Variants in PTPRD observed in about 807,000 individuals in gnomAD.
PTPRD encodes protein tyrosine phosphatase receptor type D, also known as receptor-type tyrosine-protein phosphatase delta.
A neutral mutation model predicts 214.5 loss-of-function variants in PTPRD; 34 were observed. That is an observed-to-expected ratio of 0.16 (90% confidence interval 0.12 to 0.21). The LOEUF is 0.21. Among genes scored for constraint, PTPRD ranks in the 10% least tolerant of loss-of-function variants. The pLI is 1.00. For missense variants in PTPRD, 2,545 were observed against 2,398.7 expected, an observed-to-expected ratio of 1.06 and a Z score of -1.27; for synonymous variants, 1,128 against 845.7, an observed-to-expected ratio of 1.33 and a Z score of -5.79.
chr9:8,514,528 T>G (rs1252510591), intron 21 of PTPRD, among the ~76,000 whole-genome samples: 4 of 151,762 alleles, frequency 2.6e-5, no homozygotes, highest in African/African-American at 4.8e-5. Flanking sequence ...AAACTTAGTT[T>G]TTTTTTTTTT....
At position 9,333,739 on chromosome 9, in the gene PTPRD, A is replaced by C. The variant is rs187733506; in HGVS notation, c.-203+63710T>G. On this transcript the variant is annotated intron_variant, in intron 9 of 45. Transcript: ENST00000381196. ...CTCCAATATTAACCAATAATTTATA[A>C]TACATTCATATGAGGTCAAAATTTA... 3.7e-3 allele frequency among the ~76,000 whole-genome samples: 558 copies of C among 151,814 alleles called. 4 individuals carry two copies. Among genetic ancestry groups the C allele is most frequent in the African/African-American group, 0.013 (531 of 41,470 alleles).
intron 9 of PTPRD, among the ~76,000 whole-genome samples, chr9:9,251,752 AG>A (rs2099975563): frequency 6.6e-6 from 1 of 152,102 alleles, no homozygotes; most frequent in African/African-American, 2.4e-5. Flanking sequence ...AGAAGCCAAA[AG>A]TAATTGTTGA....
intron 5 of PTPRD, among the ~76,000 whole-genome samples, chr9:9,815,461 A>G (rs1330588569): frequency 6.6e-6 from 1 of 152,104 alleles, no homozygotes; most frequent in Non-Finnish European, 1.5e-5. Context: ...CTGGGAAATG[A>G]TTTTTTTAGA....
intron 9 of PTPRD, among the ~76,000 whole-genome samples, chr9:9,228,611 C>A (rs909727812): frequency 6.6e-6 from 1 of 151,914 alleles, no homozygotes; most frequent in African/African-American, 2.4e-5. Flanking sequence ...TGATGCCTTG[C>A]TAGTTCTATG....
chr9:8,970,917 A>AAACAAAAC lies in PTPRD; in HGVS notation c.-104+47779_-104+47780insGTTTTGTT, dbSNP rs1555626172. ...AAACAAAACAAAACAAAACAAAACAAAACAACAACAAAAACCAAACAAAAA... is the reference window on the plus strand; with the variant it reads ...AAACAAAACAAAACAAAACAAAACAAAACAAAACAACAACAACAAAAACCAAACAAAAA... On this transcript the variant is annotated intron_variant, in intron 11 of 45. Transcript: ENST00000381196. 9.3e-3 allele frequency among the ~76,000 whole-genome samples: 1,391 copies of AAACAAAAC among 149,684 alleles called. 10 individuals carry two copies. The highest frequency in any genetic ancestry group is 0.012 in the Non-Finnish European group (784 of 67,324).
At chr9:8,941,786 A>C (rs1567144677) in intron 11 of PTPRD, among the ~76,000 whole-genome samples, 2 of 137,164 alleles carry the variant, frequency 1.5e-5, no homozygotes, top group Non-Finnish European at 3.2e-5. Flanking sequence ...ACAGATAATA[A>C]AGGTCTTGTT....
At chr9:8,531,570 G>A (rs1392347534) in intron 14 of PTPRD, among the ~76,000 whole-genome samples, 1 of 152,076 alleles carries the variant, frequency 6.6e-6, no homozygotes, top group Non-Finnish European at 1.5e-5. Flanking sequence ...TTGTTGTTAT[G>A]TTCCATTTTT....
chr9:9,071,708 C>T (rs75422523), intron 10 of PTPRD, among the ~76,000 whole-genome samples: 6,315 of 152,144 alleles, frequency 0.042, 180 homozygotes, highest in South Asian at 0.058. Flanking sequence ...AAATGCAACC[C>T]GGCTGATAAT....
intron 3 of PTPRD, among the ~76,000 whole-genome samples, chr9:10,163,979 A>C (rs1298638891): frequency 6.6e-6 from 1 of 151,444 alleles, no homozygotes; most frequent in African/African-American, 2.4e-5. Flanking sequence ...TCTATATGGC[A>C]ATGAACTATT....
chr9:9,119,579 G>T (rs2099815649), intron 10 of PTPRD, among the ~76,000 whole-genome samples: 1 of 151,632 alleles, frequency 6.6e-6, no homozygotes, highest in Non-Finnish European at 1.5e-5. Context: ...GCCCAAGCTG[G>T]AGTGCAGTGG....
intron 5 of PTPRD, among the ~76,000 whole-genome samples, chr9:9,823,017 T>C (rs1598810808): frequency 6.6e-6 from 1 of 152,116 alleles, no homozygotes; most frequent in South Asian, 2.1e-4. Flanking sequence ...TTCTACACTC[T>C]CCAATTTATT....
chr9:8,955,416 C>G (rs2099125886), intron 11 of PTPRD, among the ~76,000 whole-genome samples: 1 of 151,682 alleles, frequency 6.6e-6, no homozygotes, highest in Non-Finnish European at 1.5e-5. Context: ...CTCAATTATT[C>G]TGGTATCACA....
intron 8 of PTPRD, among the ~76,000 whole-genome samples, chr9:9,464,454 T>A (rs1479705734): frequency 6.6e-6 from 1 of 152,198 alleles, no homozygotes; most frequent in Non-Finnish European, 1.5e-5. Context: ...AAATTATCAT[T>A]AACTCTTGCC....
At position 9,528,938 on chromosome 9, in the gene PTPRD, CT is replaced by C. The variant is rs112564567; in HGVS notation, c.-237+45793del. Among the ~76,000 whole-genome samples, 460 of 136,694 alleles carry C rather than the reference CT, an allele frequency of 3.4e-3. 1 individual carries two copies. Among genetic ancestry groups the C allele is most frequent in the Non-Finnish European group, 4.8e-3 (302 of 63,370 alleles). The allele number at this position is 136,694 out of a possible 152,430, so 89.7% of individuals were successfully genotyped here. ...TACCAGTTTCTTTCTTTGTTTGTTT[CT>C]TTTTTTTTTTTTTTTTTGAGGCAGA... is the stretch of plus-strand genomic sequence containing the variant. On this transcript the variant is annotated intron_variant, in intron 8 of 45. Transcript: ENST00000381196.
chr9:8,407,456 C>T (rs1283669032), intron 35 of PTPRD, among the ~76,000 whole-genome samples: 4 of 152,198 alleles, frequency 2.6e-5, no homozygotes, highest in Non-Finnish European at 5.9e-5. Context: ...TACAGTTACC[C>T]TCAAACCAGG....
chr9:8,356,290 G>A (rs962949692), intron 39 of PTPRD, among the ~76,000 whole-genome samples: 2 of 152,040 alleles, frequency 1.3e-5, no homozygotes, highest in African/African-American at 4.8e-5. Flanking sequence ...TCCAAAGACA[G>A]AAAGAAAAAT....
At chr9:8,350,307 G>T in intron 39 of PTPRD, among the ~76,000 whole-genome samples, 1 of 152,112 alleles carries the variant, frequency 6.6e-6, no homozygotes, top group East Asian at 1.9e-4. Flanking sequence ...GGCAAAGAAA[G>T]ACAATAGAAT....
At chr9:10,605,253 C>G (rs2078994844) in intron 2 of PTPRD, among the ~76,000 whole-genome samples, 1 of 151,804 alleles carries the variant, frequency 6.6e-6, no homozygotes, top group South Asian at 2.1e-4. Context: ...CAAAGCACTT[C>G]TGCTATTATG....
chr9:10,212,534 C>A (rs950285234), intron 3 of PTPRD, among the ~76,000 whole-genome samples: 1 of 152,026 alleles, frequency 6.6e-6, no homozygotes, highest in African/African-American at 2.4e-5. Context: ...TTACACTGAT[C>A]ATAATAAGAA....
Sources: gnomAD v4.1 joint callset for allele counts (sites outside exome capture counted in the v4.1 genomes callset) on GRCh38, gnomAD v4.1.1 for gene constraint, MANE v1.5 for transcripts, NCBI Gene and HGNC (gene_info 2026-07-23, HGNC 2026-07-21) for gene names.